The following CSF3R variants were observed in gnomAD, a reference collection of about 807,000 sequenced individuals.
CSF3R encodes the protein granulocyte colony-stimulating factor receptor.
CSF3R carries 52 observed loss-of-function variants against 84.4 expected under a neutral mutation model. The ratio of observed to expected loss-of-function variants is 0.62; its 90% confidence interval spans 0.49 to 0.78. The LOEUF (loss-of-function observed/expected upper bound fraction) is 0.78, where lower values mean the gene tolerates loss of function less well. Ranked by LOEUF, CSF3R falls within the 30% of genes least tolerant of loss-of-function variation. The pLI, the probability that CSF3R is intolerant of heterozygous loss-of-function variation, is 0.00. For synonymous variants in CSF3R, 384 were observed against 429.1 expected (o/e 0.89, Z 1.30); for missense variants, 890 against 1,055.7 (o/e 0.84, Z 2.17).
chr1:36,467,541 C>A lies in CSF3R; in HGVS notation c.1958+17G>T. 6.2e-7 allele frequency: 1 copy of A among 1,612,008 alleles called. No homozygotes were observed. The stretch of plus-strand genomic sequence containing the variant: ...GGGTGGGGGAAGCAGGATCTCAGGT[C>A]TCTCAAAGGGACTCACTTGGGGCTG... On this transcript the variant is annotated intron_variant, in intron 15 of 16. Coordinates refer to ENST00000373106, the MANE Select transcript of CSF3R (RefSeq NM_000760.4). This position sits in a 1 kb window ranked among gnomAD's most constrained non-coding sequence, Gnocchi z 4.1.
rs1252172230 is a variant in CSF3R at position 36,469,077 on chromosome 1, C to T, written c.1576+79G>A. Reference sequence around the variant, plus strand: ...TGGTAGGAAGGCAATGTTCCCTATACTTCTGATTGCTGGGGACCAGGCAGA... The same window carrying T: ...TGGTAGGAAGGCAATGTTCCCTATATTTCTGATTGCTGGGGACCAGGCAGA... On this transcript the variant is annotated intron_variant, in intron 12 of 16. Transcript: ENST00000373106. The T allele has an allele frequency of 3.8e-6, 4 of 1,051,000 alleles. No homozygotes were observed. In the East Asian group the frequency reaches 7.2e-5, roughly 19 times the overall value. The allele number at this position is 1,051,000 out of a possible 1,614,324, so 65.1% of individuals were successfully genotyped here. A position where few individuals can be genotyped will look rare whatever the true frequency, so the allele number is the denominator to read the frequency against.
Position 36,467,997 on chromosome 1 carries a change from G to T in CSF3R, c.1724-35C>A. 1.9e-6 allele frequency: 3 copies of T among 1,614,228 alleles called. No individual in the cohort carries two copies. Among genetic ancestry groups the T allele is most frequent in the Non-Finnish European group, 2.5e-6 (3 of 1,180,030 alleles). ...GTGTACGGTCAGCATAGGCCTGGAT[G>T]GTAAAGCTGCCTCCGTGGCAGCTGA... On this transcript the variant is annotated intron_variant, in intron 13 of 16. Coordinates refer to ENST00000373106, the MANE Select transcript of CSF3R (RefSeq NM_000760.4). This position sits in a 1 kb window ranked among gnomAD's most constrained non-coding sequence, Gnocchi z 4.1.
intron 2 of CSF3R, among the ~76,000 whole-genome samples, chr1:36,480,676 G>C (rs550834694): frequency 2.0e-5 from 3 of 152,192 alleles, no homozygotes; most frequent in African/African-American, 7.2e-5. Context: ...CAGATCCCTC[G>C]TGCTCAGCAG....
intron 2 of CSF3R, among the ~76,000 whole-genome samples, chr1:36,481,022 G>T (rs1286135030): frequency 6.6e-6 from 1 of 152,196 alleles, no homozygotes; most frequent in Non-Finnish European, 1.5e-5. Flanking sequence ...CCCATCGGTG[G>T]TTGGTAACCT....
At chr1:36,473,162 G>C (rs1650891950) in intron 6 of CSF3R, 2 of 535,816 alleles carry the variant, frequency 3.7e-6, no homozygotes, top group Non-Finnish European at 6.7e-6. Context: ...CCAGTACCTA[G>C]AGCAGTGCCT....
Position 36,467,169 on chromosome 1 carries a change from C to T in CSF3R, c.2040+61G>A. Reference sequence around the variant, plus strand: ...CTGAGTACTTGGCTTCAGAAGGTGTCCCTTCACTGAGCCTGGGCCGACATC... The same window carrying T: ...CTGAGTACTTGGCTTCAGAAGGTGTTCCTTCACTGAGCCTGGGCCGACATC... On this transcript the variant is annotated intron_variant, in intron 16 of 16. Coordinates refer to ENST00000373106, the MANE Select transcript of CSF3R (RefSeq NM_000760.4). This position sits in a 1 kb window ranked among gnomAD's most constrained non-coding sequence, Gnocchi z 4.1. 1.3e-6 allele frequency: 2 copies of T among 1,554,706 alleles called. No homozygotes were observed. The highest frequency in any genetic ancestry group is 1.8e-6 in the Non-Finnish European group (2 of 1,125,796).
At chr1:36,473,196 A>T in intron 6 of CSF3R, 2 of 578,630 alleles carry the variant, frequency 3.5e-6, no homozygotes. Flanking sequence ...TGCTTTAGGA[A>T]ACACGCTGAA....
In CSF3R at chr1:36,471,423, C is replaced by G; in HGVS notation, c.1285+10G>C. ...ACCTCTGTGCTCTTCTGGCTGCCAGCCCCCTTTACCTCTGCTTTCTGAGAA... is the reference window on the plus strand; with the variant it reads ...ACCTCTGTGCTCTTCTGGCTGCCAGGCCCCTTTACCTCTGCTTTCTGAGAA... On this transcript the variant is annotated intron_variant, in intron 10 of 16. Coordinates refer to ENST00000373106, the MANE Select transcript of CSF3R (RefSeq NM_000760.4). 6.2e-7 allele frequency: 1 copy of G among 1,612,868 alleles called. No individual in the cohort carries two copies. The highest frequency in any genetic ancestry group is 1.1e-5 in the South Asian group (1 of 91,046).
Position 36,469,250 on chromosome 1 carries a change from G to A in CSF3R, c.1482C>T (p.Ile494=). 6.2e-7 allele frequency: 1 copy of A among 1,613,572 alleles called. No homozygotes were observed. The highest frequency in any genetic ancestry group is 8.5e-7 in the Non-Finnish European group (1 of 1,179,484). The change falls in exon 12 of 17, where the codon ATC becomes ATT. Residue 494 remains isoleucine (I), a synonymous_variant. Coordinates refer to ENST00000373106, the MANE Select transcript of CSF3R (RefSeq NM_000760.4). ...RATGFLLKEN[I]RPFQLYEIIV... ...TGATCTCATAGAGCTGAAAGGGCCT[G>A]ATGTTCTCTGTAGAGAGAAAATGGG...
In CSF3R at chr1:36,468,225, T is replaced by C. The variant is rs758393980; in HGVS notation, c.1577-4A>G. 5.1e-6 allele frequency: 8 copies of C among 1,576,228 alleles called. No individual in the cohort carries two copies. The highest frequency in any genetic ancestry group is 6.9e-6 in the Non-Finnish European group (8 of 1,160,818). On this transcript the variant is annotated splice_region_variant and splice_polypyrimidine_tract_variant and intron_variant, in intron 12 of 16. Coordinates refer to ENST00000373106, the MANE Select transcript of CSF3R (RefSeq NM_000760.4). ...AGCTCTGGGGCATGGGAGGGAGCTA[T>C]GGGAAGAGAGAGGTGCGGGGGCTGA...
rs150784508 is a variant in CSF3R, at chr1:36,472,380, G to A, written c.855C>T (p.Leu285=). The A allele has an allele frequency of 2.9e-5, 46 of 1,613,980 alleles. 1 individual carries two copies. In the African/African-American group the frequency reaches 5.9e-4, roughly 21 times the overall value. ...GCTCATACTGAAGGGCCTCCAAGGGGAGGGGGCCCACCTGGTGAGGGGTGG... is the reference window on the plus strand; with the variant it reads ...GCTCATACTGAAGGGCCTCCAAGGGAAGGGGGCCCACCTGGTGAGGGGTGG... ...GEASWALVGP[L]PLEALQYELC... is the part of the protein sequence containing the mutation. Residue 285 remains leucine (L), a synonymous_variant, in exon 8 of 17, where the codon CTC becomes CTT. Transcript: ENST00000373106. The surrounding 1 kb of genome is among the most constrained non-coding windows in gnomAD (Gnocchi z 5.0).
At chr1:36,471,326 C>T (rs1445384386) in intron 10 of CSF3R, 107 bp downstream of exon 10, 8 of 1,120,042 alleles carry the variant, frequency 7.1e-6, no homozygotes, top group Admixed American at 1.7e-5. Context: ...GGATTACAGG[C>T]GTGAGCCACT....
chr1:36,479,477 C>G lies in CSF3R; in HGVS notation c.20G>C (p.Cys7Ser). MARLGN[C>S]SLTWAALIIL... ...GATCAGGGCAGCCCAAGTCAGGCTGCAGTTTCCCAGCCTTGCCATAGCACC... is the reference window on the plus strand; with the variant it reads ...GATCAGGGCAGCCCAAGTCAGGCTGGAGTTTCCCAGCCTTGCCATAGCACC... The change falls in exon 3 of 17, where the codon TGC (cysteine) becomes TCC (serine). Residue 7 changes from cysteine (C) to serine (S), a missense_variant. Transcript: ENST00000373106. 6.2e-7 allele frequency: 1 copy of G among 1,614,222 alleles called. No individual in the cohort carries two copies. The highest frequency in any genetic ancestry group is 2.2e-5 in the East Asian group (1 of 44,880).
chr1:36,482,336 G>T (rs1397007022), intron 1 of CSF3R, among the ~76,000 whole-genome samples: 1 of 151,712 alleles, frequency 6.6e-6, no homozygotes, highest in Non-Finnish European at 1.5e-5. Context: ...CCTGGAGCCC[G>T]GGAAGCGTCT....
At chr1:36,482,961 A>G (rs1651628114), upstream of CSF3R, 1 of 152,190 alleles carries the variant, frequency 6.6e-6, no homozygotes. Context: ...GGGGATTGCA[A>G]CACCTTCCGA....
intron 10 of CSF3R, among the ~76,000 whole-genome samples, chr1:36,470,601 T>C (rs1364410108): frequency 2.0e-5 from 3 of 152,228 alleles, no homozygotes; most frequent in Admixed American, 6.5e-5. Context: ...GAAACTTGTC[T>C]AAGATCACAC....
At chr1:36,479,580 C>G in intron 2 of CSF3R, 64 bp from the exon 3 acceptor site, 1 of 1,307,810 alleles carries the variant, frequency 7.6e-7, no homozygotes, top group South Asian at 1.2e-5. Context: ...TAATCCTTGT[C>G]TGTCACTGTG....
In CSF3R at chr1:36,467,913, C is replaced by T. The variant is rs2124102034; in HGVS notation, c.1773G>A (p.Glu591=). 1.2e-6 allele frequency: 2 copies of T among 1,614,194 alleles called. No individual in the cohort carries two copies. Among genetic ancestry groups the T allele is most frequent in the Non-Finnish European group, 1.7e-6 (2 of 1,180,038 alleles). ...SSRGFVLHGL[E]PASLYHIHLM... ...GGTGGATGTGATACAGACTGGCGGG[C>T]TCCAGGCCATGGAGGACAAAGCCAC... Residue 591 remains glutamate (E), a synonymous_variant, in exon 14 of 17, where the codon GAG becomes GAA. Coordinates refer to ENST00000373106, the MANE Select transcript of CSF3R (RefSeq NM_000760.4). This position sits in a 1 kb window ranked among gnomAD's most constrained non-coding sequence, Gnocchi z 4.1.
At position 36,469,633 on chromosome 1, in the gene CSF3R, C is replaced by A. The variant is rs747544404; in HGVS notation, c.1474+19G>T. ...TCCCTTTGTCCCTGGCCCTGCCCAACTTTCCAGGCCAGCCTCACCCTTCAG... is the reference window on the plus strand; with the variant it reads ...TCCCTTTGTCCCTGGCCCTGCCCAAATTTCCAGGCCAGCCTCACCCTTCAG... On this transcript the variant is annotated intron_variant, in intron 11 of 16. Coordinates refer to ENST00000373106, the MANE Select transcript of CSF3R (RefSeq NM_000760.4). 1 of 1,613,598 alleles carries A rather than the reference C, an allele frequency of 6.2e-7. No homozygotes were observed. Among genetic ancestry groups the A allele is most frequent in the African/African-American group, 1.3e-5 (1 of 74,944 alleles).
Sources: gnomAD v4.1 joint callset for allele counts (sites outside exome capture counted in the v4.1 genomes callset) on GRCh38, gnomAD v4.1.1 for gene constraint, Gnocchi (gnomAD v3.1) non-coding constraint, MANE v1.5 for transcripts, NCBI Gene and HGNC (gene_info 2026-07-23, HGNC 2026-07-21) for gene names.